NEURL1: variants seen among roughly 807,000 people sequenced by gnomAD.
NEURL1 encodes the protein E3 ubiquitin-protein ligase NEURL1.
Under a neutral mutation model 41.2 loss-of-function variants are expected in NEURL1, and 26 were observed. That is an observed-to-expected ratio of 0.63 (90% CI 0.46 to 0.87). NEURL1 has a LOEUF of 0.87. Ranked by LOEUF, NEURL1 falls within the 40% of genes least tolerant of loss-of-function variation. The pLI, the probability that NEURL1 is intolerant of heterozygous loss-of-function variation, is 0.00. For synonymous variants in NEURL1, 400 were observed against 402.3 expected, an observed-to-expected ratio of 0.99 and a Z score of 0.07; for missense variants, 761 against 871.1, an observed-to-expected ratio of 0.87 and a Z score of 1.59.
intron 1 of NEURL1, among the ~76,000 whole-genome samples, chr10:103,562,738 T>TG (rs2035330297): frequency 6.6e-6 from 1 of 152,132 alleles, no homozygotes; most frequent in Non-Finnish European, 1.5e-5. Context: ...TAACCTAGTC[T>TG]GGGGGTCAGA....
intron 1 of NEURL1, among the ~76,000 whole-genome samples, chr10:103,541,759 A>G (rs2034825728): frequency 6.6e-6 from 1 of 152,218 alleles, no homozygotes; most frequent in Non-Finnish European, 1.5e-5. Flanking sequence ...TTGCAATAAC[A>G]AATGCTGGCC....
At chr10:103,502,386 T>C (rs890324394) in intron 1 of NEURL1, among the ~76,000 whole-genome samples, 7 of 152,162 alleles carry the variant, frequency 4.6e-5, no homozygotes, top group Admixed American at 1.3e-4. Flanking sequence ...TCAGGTTCCA[T>C]TGAGGGCCCT....
At chr10:103,583,420 TAAAA>T (rs931071328) in intron 3 of NEURL1, among the ~76,000 whole-genome samples, 37 of 151,912 alleles carry the variant, frequency 2.4e-4, no homozygotes, top group African/African-American at 8.9e-4. Flanking sequence ...ATTTTTGCAC[TAAAA>T]AAAGTAACCA....
chr10:103,555,316 C>G, intron 1 of NEURL1: 1 of 1,277,502 alleles, frequency 7.8e-7, no homozygotes. Context: ...GAGCAGCCGG[C>G]CGGGGCGACT....
intron 1 of NEURL1, among the ~76,000 whole-genome samples, chr10:103,565,479 T>C (rs1054828193): frequency 6.6e-6 from 1 of 152,068 alleles, no homozygotes; most frequent in Non-Finnish European, 1.5e-5. Flanking sequence ...TGGAAGGAAC[T>C]TAAGGGTTAG....
At chr10:103,496,975 C>T (rs1220924994) in intron 1 of NEURL1, among the ~76,000 whole-genome samples, 2 of 152,082 alleles carry the variant, frequency 1.3e-5, no homozygotes, top group African/African-American at 4.8e-5. Context: ...GGGGCCCCAT[C>T]CACACACCAC....
intron 1 of NEURL1, among the ~76,000 whole-genome samples, chr10:103,524,369 C>G (rs1319167123): frequency 6.6e-6 from 1 of 152,138 alleles, no homozygotes; most frequent in Admixed American, 6.6e-5. Context: ...GAATAGTTTG[C>G]AAATATTTTC....
intron 1 of NEURL1, among the ~76,000 whole-genome samples, chr10:103,542,202 C>G (rs1467012423): frequency 6.6e-6 from 1 of 152,170 alleles, no homozygotes; most frequent in Non-Finnish European, 1.5e-5. Context: ...GAGCTGGGCC[C>G]CACACTTCAG....
At chr10:103,590,080 T>TGG in intron 5 of NEURL1, 54 bp from the exon 6 acceptor site, 1 of 1,556,756 alleles carries the variant, frequency 6.4e-7, no homozygotes, top group Non-Finnish European at 8.8e-7. Flanking sequence ...TTCCCGTGAA[T>TGG]CCAGCGCCGG....
chr10:103,539,387 C>T (rs554694608), intron 1 of NEURL1, among the ~76,000 whole-genome samples: 1 of 152,134 alleles, frequency 6.6e-6, no homozygotes, highest in Non-Finnish European at 1.5e-5. Flanking sequence ...TCTGGATTCT[C>T]TATTAGATAT....
chr10:103,583,834 C>T (rs920032405), intron 3 of NEURL1, among the ~76,000 whole-genome samples: 6 of 148,342 alleles, frequency 4.0e-5, no homozygotes, highest in African/African-American at 1.2e-4. Context: ...GGCTTATAGG[C>T]GATTGTTTTT....
intron 1 of NEURL1, among the ~76,000 whole-genome samples, chr10:103,561,262 CTT>C (rs767348574): frequency 8.5e-5 from 12 of 141,692 alleles, no homozygotes; most frequent in Non-Finnish European, 1.1e-4. Flanking sequence ...CTCTGTATTC[CTT>C]TTTTTTTTTT....
intron 3 of NEURL1, among the ~76,000 whole-genome samples, chr10:103,576,341 G>A (rs2035663204): frequency 6.6e-6 from 1 of 152,176 alleles, no homozygotes; most frequent in African/African-American, 2.4e-5. Flanking sequence ...TGCAGAGGTG[G>A]GGAATTGGCG....
chr10:103,501,950 A>ATTAACATACAATATT (rs2033835708), intron 1 of NEURL1, among the ~76,000 whole-genome samples: 1 of 151,580 alleles, frequency 6.6e-6, no homozygotes, highest in African/African-American at 2.4e-5. Context: ...TATTTATTGT[A>ATTAACATACAATATT]GAGACAGAGT....
chr10:103,565,721 C>T (rs1190636219), intron 1 of NEURL1, among the ~76,000 whole-genome samples: 2 of 152,182 alleles, frequency 1.3e-5, no homozygotes, highest in African/African-American at 2.4e-5. Context: ...CAATGGTGCT[C>T]TCACGGCTCC....
chr10:103,525,590 G>C (rs2034444253), intron 1 of NEURL1, among the ~76,000 whole-genome samples: 1 of 152,112 alleles, frequency 6.6e-6, no homozygotes. Flanking sequence ...TTGACCTCAA[G>C]TGATCCACCA....
At chr10:103,555,534 G>A in intron 1 of NEURL1, 1 of 891,746 alleles carries the variant, frequency 1.1e-6, no homozygotes, top group Non-Finnish European at 1.5e-6. Context: ...CTCCATGGAG[G>A]GGTCTGGGGC....
At chr10:103,503,313 T>G (rs2033868029) in intron 1 of NEURL1, among the ~76,000 whole-genome samples, 1 of 152,136 alleles carries the variant, frequency 6.6e-6, no homozygotes, top group South Asian at 2.1e-4. Context: ...AATGAGCAGG[T>G]GTTGACACTT....
Position 103,584,902 on chromosome 10 carries a change from T to C in NEURL1, c.1016T>C (p.Phe339Ser). The C allele has an allele frequency of 6.9e-7, 1 of 1,459,524 alleles. No homozygotes were observed. The allele number at this position is 1,459,524 out of a possible 1,614,324, so 90.4% of individuals were successfully genotyped here. ...SRPVRVAETI[F>S]VKVTRSGGAR... ...CCCGTGCGCGTGGCCGAGACCATCTTCGTCAAGGTCACGCGCTCGGGTGGC... is the reference window on the plus strand; with the variant it reads ...CCCGTGCGCGTGGCCGAGACCATCTCCGTCAAGGTCACGCGCTCGGGTGGC... Residue 339 changes from phenylalanine (F) to serine (S), a missense_variant, in exon 4 of 6, where the codon TTC becomes TCC. By Grantham distance (155) the Phe-to-Ser change is radical (BLOSUM62 -2). Around this residue, in one of 5 missense-constraint regions of NEURL1, gnomAD observed 443 missense variants for 408.1 expected, o/e 1.09. Transcript: ENST00000369780.
Sources: allele counts gnomAD v4.1 joint callset (sites outside exome capture counted in the v4.1 genomes callset), GRCh38; gene constraint gnomAD v4.1.1; regional missense constraint gnomAD v4.1.1; transcripts MANE v1.5; gene names NCBI Gene and HGNC (gene_info 2026-07-23, HGNC 2026-07-21).